Variants in PLCD4 observed in about 807,000 individuals in gnomAD.
The protein encoded by PLCD4 is 1-phosphatidylinositol 4,5-bisphosphate phosphodiesterase delta-4.
A neutral mutation model predicts 90.2 loss-of-function variants in PLCD4; 63 were observed. The ratio of observed to expected loss-of-function variants is 0.70; its 90% CI spans 0.57 to 0.86. The LOEUF (loss-of-function observed/expected upper bound fraction) is 0.86. Ranked by LOEUF, PLCD4 falls within the 40% of genes least tolerant of loss-of-function variation. The pLI, the probability that PLCD4 is intolerant of heterozygous loss-of-function variation, is 0.00. For synonymous variants in PLCD4, 294 were observed against 356.5 expected (o/e 0.82, Z 1.97); for missense variants, 830 against 956.3 (o/e 0.87, Z 1.74).
intron 6 of PLCD4, among the ~76,000 whole-genome samples, chr2:218,623,132 A>T (rs947154520): frequency 6.6e-6 from 1 of 152,162 alleles, no homozygotes; most frequent in African/African-American, 2.4e-5. Flanking sequence ...TCATTCCTCC[A>T]TTATGCTCAT....
chr2:218,630,500 C>A, intron 8 of PLCD4, 150 bp from the exon 9 acceptor site: 1 of 881,404 alleles, frequency 1.1e-6, no homozygotes. Context: ...AGCAAGATCT[C>A]ACTGAATCCT....
At chr2:218,612,532 G>A (rs1244510602) in intron 1 of PLCD4, among the ~76,000 whole-genome samples, 3 of 152,192 alleles carry the variant, frequency 2.0e-5, no homozygotes, top group African/African-American at 7.2e-5. Flanking sequence ...AGCACTTGGA[G>A]AGGCCAAGGT....
chr2:218,627,156 G>T (rs902166109), intron 6 of PLCD4, among the ~76,000 whole-genome samples: 41 of 151,642 alleles, frequency 2.7e-4, no homozygotes, highest in Admixed American at 2.7e-3. Flanking sequence ...AGCTACTCGG[G>T]AGCCTGAGGC....
intron 10 of PLCD4, 190 bp from the exon 11 acceptor site, chr2:218,633,411 CGTCT>C (rs1696502337): frequency 2.7e-6 from 2 of 732,950 alleles, no homozygotes; most frequent in Non-Finnish European, 4.9e-6. Context: ...CTGTTTTGTC[CGTCT>C]ATCTGTTGTC....
intron 1 of PLCD4, among the ~76,000 whole-genome samples, chr2:218,610,489 CAG>C (rs1237766188): frequency 1.3e-5 from 2 of 151,500 alleles, no homozygotes; most frequent in African/African-American, 2.4e-5. Flanking sequence ...GCCTGGGCGA[CAG>C]AGTGACACTC....
chr2:218,632,901 C>T (rs946294710), intron 10 of PLCD4, among the ~76,000 whole-genome samples: 2 of 152,156 alleles, frequency 1.3e-5, no homozygotes, highest in Non-Finnish European at 2.9e-5. Flanking sequence ...AGTGGTCCAT[C>T]TCCCTATGGG....
intron 6 of PLCD4, among the ~76,000 whole-genome samples, chr2:218,623,719 A>T (rs1488810483): frequency 6.6e-6 from 1 of 151,946 alleles, no homozygotes. Flanking sequence ...TTTTGCTCTT[A>T]TTGCCCAGAC....
rs759613201 is a variant in PLCD4, at chr2:218,634,491, T to C, written c.1757T>C (p.Met586Thr). 3.1e-6 allele frequency: 5 copies of C among 1,613,840 alleles called. No individual in the cohort carries two copies. In the Admixed American group the frequency reaches 6.7e-5, roughly 22 times the overall value. The change falls in exon 13 of 16, where the codon ATG (methionine) becomes ACG (threonine). Residue 586 changes from methionine to threonine, a missense_variant. Coordinates refer to ENST00000450993, the MANE Select transcript of PLCD4 (RefSeq NM_032726.4). This position sits in a 1 kb window ranked among gnomAD's most constrained non-coding sequence, Gnocchi z 4.0. ...AATATGCAGACTGCAGGGCTTGAAA[T>C]GGACATCTGTGATGGGCATTTCCGC... ...AMNMQTAGLE[M>T]DICDGHFRQN... is the part of the protein sequence containing the mutation.
At chr2:218,627,242 C>T (rs1006647817) in intron 6 of PLCD4, among the ~76,000 whole-genome samples, 33 of 151,304 alleles carry the variant, frequency 2.2e-4, no homozygotes, top group Non-Finnish European at 3.7e-4. Flanking sequence ...GCCTGGGAGA[C>T]GGAGTGAGAC....
chr2:218,612,159 C>T (rs545877449), intron 1 of PLCD4, among the ~76,000 whole-genome samples: 30 of 152,234 alleles, frequency 2.0e-4, no homozygotes, highest in Non-Finnish European at 3.4e-4. Flanking sequence ...CCACCCGCCT[C>T]GGCCTCCCAA....
chr2:218,631,135 A>G (rs971715592), intron 9 of PLCD4, among the ~76,000 whole-genome samples: 2 of 151,418 alleles, frequency 1.3e-5, no homozygotes, highest in African/African-American at 4.9e-5. Flanking sequence ...CATAATCCCA[A>G]CCTCTCCCAT....
chr2:218,620,876 G>A (rs1465174541), intron 4 of PLCD4, among the ~76,000 whole-genome samples: 3 of 126,318 alleles, frequency 2.4e-5, no homozygotes, highest in Non-Finnish European at 4.7e-5. Flanking sequence ...CCTGGGTGAC[G>A]GAGCGAGACT....
Position 218,618,563 on chromosome 2 carries a change from G to T in PLCD4, c.182-16G>T. 1 of 1,610,984 alleles carries T rather than the reference G, an allele frequency of 6.2e-7. No homozygotes were observed. The highest frequency in any genetic ancestry group is 8.5e-7 in the Non-Finnish European group (1 of 1,177,338). On this transcript the variant is annotated splice_polypyrimidine_tract_variant and intron_variant, in intron 3 of 15. Transcript: ENST00000450993. Reference sequence around the variant, plus strand: ...AATCCCTTCCTTAATGCCTCCACCTGTTTCTTCTCTGGCAGTCTCAATCTC... The same window carrying T: ...AATCCCTTCCTTAATGCCTCCACCTTTTTCTTCTCTGGCAGTCTCAATCTC...
At chr2:218,624,425 ATAGAG>A (rs1161886721) in intron 6 of PLCD4, among the ~76,000 whole-genome samples, 1 of 152,180 alleles carries the variant, frequency 6.6e-6, no homozygotes, top group East Asian at 1.9e-4. Flanking sequence ...GGTGTTCAGA[ATAGAG>A]TAGAGGTTGT....
chr2:218,635,258 C>T (rs1022135801), intron 13 of PLCD4, among the ~76,000 whole-genome samples: 4 of 151,674 alleles, frequency 2.6e-5, no homozygotes, highest in Middle Eastern at 3.4e-3. Context: ...AGAGTATGAT[C>T]GTGTCTCTTT....
At chr2:218,616,970 A>G (rs1381278275) in intron 3 of PLCD4, among the ~76,000 whole-genome samples, 1 of 110,344 alleles carries the variant, frequency 9.1e-6, no homozygotes. Flanking sequence ...AGAGAGAGAG[A>G]GAGAGAGAGA....
chr2:218,616,164 T>G, intron 3 of PLCD4, 102 bp downstream of exon 3: 1 of 1,343,546 alleles, frequency 7.4e-7, no homozygotes, highest in East Asian at 2.5e-5. Context: ...GTGTTTGTGC[T>G]GTCCTAATTG....
chr2:218,636,623 G>C lies in PLCD4; in HGVS notation c.*46G>C, dbSNP rs777493454. On this transcript the variant is annotated 3_prime_UTR_variant, in exon 16 of 16. Coordinates refer to ENST00000450993, the MANE Select transcript of PLCD4 (RefSeq NM_032726.4). ...GGTTGGTGTGCTGGCTTTAGACGGG[G>C]AGAAACATCTGGAAGGATGCTCGAG... is the stretch of plus-strand genomic sequence containing the variant. 22 of 1,566,434 alleles carry C rather than the reference G, an allele frequency of 1.4e-5. No individual in the cohort carries two copies. In the South Asian group the frequency reaches 1.8e-4, roughly 13 times the overall value.
intron 6 of PLCD4, among the ~76,000 whole-genome samples, chr2:218,623,170 C>T (rs1053022992): frequency 4.6e-5 from 7 of 152,206 alleles, no homozygotes; most frequent in African/African-American, 1.2e-4. Context: ...GAAGTTCTTT[C>T]TGATACCAGC....
Sources: allele counts gnomAD v4.1 joint callset (sites outside exome capture counted in the v4.1 genomes callset), GRCh38; gene constraint gnomAD v4.1.1; non-coding constraint Gnocchi (gnomAD v3.1); transcripts MANE v1.5; gene names NCBI Gene and HGNC (gene_info 2026-07-23, HGNC 2026-07-21).